The following DOCK10 variants were observed in gnomAD, a reference collection of about 807,000 sequenced individuals.
The protein encoded by DOCK10 is dedicator of cytokinesis protein 10.
In DOCK10, 145 loss-of-function variants were observed where a neutral mutation model predicts 280.1. That is an observed-to-expected ratio of 0.52 (90% CI 0.45 to 0.59). The LOEUF (loss-of-function observed/expected upper bound fraction) is 0.59. Ranked by LOEUF, DOCK10 falls within the 20% of genes least tolerant of loss-of-function variation. DOCK10 has a pLI of 0.00. For missense variants in DOCK10, 2,368 were observed against 2,651.7 expected (o/e 0.89, Z 2.35); for synonymous variants, 915 against 942.2 (o/e 0.97, Z 0.53).
At chr2:224,973,169 C>T (rs1483044270) in intron 1 of DOCK10, among the ~76,000 whole-genome samples, 1 of 152,192 alleles carries the variant, frequency 6.6e-6, no homozygotes, top group Non-Finnish European at 1.5e-5. Flanking sequence ...GCCAGGCACT[C>T]TTACAGGCCC....
At chr2:225,028,535 T>A (rs532899335) in intron 1 of DOCK10, among the ~76,000 whole-genome samples, 2 of 152,192 alleles carry the variant, frequency 1.3e-5, no homozygotes, top group African/African-American at 2.4e-5. Flanking sequence ...TACGGTAGGA[T>A]AATACACAGA....
intron 1 of DOCK10, among the ~76,000 whole-genome samples, chr2:224,967,418 C>T (rs985755167): frequency 4.6e-5 from 7 of 152,152 alleles, no homozygotes; most frequent in Non-Finnish European, 8.8e-5. Flanking sequence ...AAAATGTTTA[C>T]CCTCAGATGT....
chr2:224,963,427 T>C (rs1704558498), intron 1 of DOCK10, among the ~76,000 whole-genome samples: 1 of 152,254 alleles, frequency 6.6e-6, no homozygotes, highest in Non-Finnish European at 1.5e-5. Context: ...AAGGTAGTAA[T>C]AAAATTGTGT....
intron 2 of DOCK10, among the ~76,000 whole-genome samples, chr2:224,929,699 A>G (rs6436518): frequency 0.56 from 85,321 of 152,128 alleles, 24,889 homozygotes; most frequent in Non-Finnish European, 0.64. Flanking sequence ...CGCTGCCAAG[A>G]ATGATAAAGA....
At chr2:224,961,412 C>CTTTTTCTTTCTTTCTTTCTT (rs57668925) in intron 1 of DOCK10, among the ~76,000 whole-genome samples, 1 of 119,382 alleles carries the variant, frequency 8.4e-6, no homozygotes, top group African/African-American at 3.4e-5. Flanking sequence ...TTCTTTCTTT[C>CTTTTTCTTTCTTTCTTTCTT]TCTTTCTTTC....
chr2:224,920,489 A>C lies in DOCK10; in HGVS notation c.244-3705T>G, dbSNP rs541749928. ...AACTATATTGAAGTTTTGGAGTAGA[A>C]TATTAAGAACCATGCCTAAATTGAG... On this transcript the variant is annotated intron_variant, in intron 2 of 55. Transcript: ENST00000258390. 3.6e-4 allele frequency among the ~76,000 whole-genome samples: 54 copies of C among 152,044 alleles called. 1 individual carries two copies. Among genetic ancestry groups the C allele is most frequent in the Non-Finnish European group, 5.9e-4 (40 of 68,032 alleles).
rs1296547984 is a variant in DOCK10 at position 224,804,169 on chromosome 2, T to C, written c.4211A>G (p.Asn1404Ser). ...AFKFVQSTQN[N>S]GTLKGSNPSC... Reference sequence around the variant, plus strand: ...AGGATTGGATCCTTTGAGAGTTCCATTGTTCTGGGTGGACTGCACAAATTT... The same window carrying C: ...AGGATTGGATCCTTTGAGAGTTCCACTGTTCTGGGTGGACTGCACAAATTT... Residue 1404 changes from asparagine to serine, a missense_variant, in exon 39 of 56, where the codon AAT becomes AGT. Coordinates refer to ENST00000258390, the MANE Select transcript of DOCK10 (RefSeq NM_014689.3). The C allele has an allele frequency of 1.9e-6, 3 of 1,612,144 alleles. No homozygotes were observed. The highest frequency in any genetic ancestry group is 2.5e-6 in the Non-Finnish European group (3 of 1,178,858).
chr2:225,027,919 G>T (rs1252415866), intron 1 of DOCK10, among the ~76,000 whole-genome samples: 1 of 152,192 alleles, frequency 6.6e-6, no homozygotes, highest in Admixed American at 6.5e-5. Context: ...CAGAGGGTTA[G>T]ATTTAAGAAC....
At position 224,946,889 on chromosome 2, in the gene DOCK10, A is replaced by G. The variant is rs888309640; in HGVS notation, c.124-15221T>C. 36 of 1,547,214 alleles carry G rather than the reference A, an allele frequency of 2.3e-5. No individual in the cohort carries two copies. The Admixed American group carries it at 6.8e-4, about 29-fold the overall frequency. On this transcript the variant is annotated intron_variant, in intron 1 of 55. Coordinates refer to ENST00000258390, the MANE Select transcript of DOCK10 (RefSeq NM_014689.3). ...TTTCTTCTTGGTTTACTCTCCTCAC[A>G]GTTCGTCTCTTCTTCCAAAATTCAC... is the stretch of plus-strand genomic sequence containing the variant.
chr2:225,003,775 CA>C (rs1217681591), intron 1 of DOCK10, among the ~76,000 whole-genome samples: 3 of 152,106 alleles, frequency 2.0e-5, no homozygotes, highest in Admixed American at 2.0e-4. Flanking sequence ...CCATAATGTG[CA>C]TTTACACTGA....
At chr2:224,918,296 G>C (rs1306273086) in intron 2 of DOCK10, among the ~76,000 whole-genome samples, 3 of 152,030 alleles carry the variant, frequency 2.0e-5, no homozygotes, top group Non-Finnish European at 2.9e-5. Context: ...TTCCATAAGA[G>C]GATGAGAGTG....
Position 224,853,110 on chromosome 2 carries a change from G to C in DOCK10, c.1901C>G (p.Ser634Trp). The C allele has an allele frequency of 6.4e-7, 1 of 1,572,562 alleles. No individual in the cohort carries two copies. The highest frequency in any genetic ancestry group is 8.6e-7 in the Non-Finnish European group (1 of 1,157,664). Reference sequence around the variant, plus strand: ...GAAAGGCTTGACAGGGATAAAGGACGATGTTACACAATCTTAAAAAATCAG... The same window carrying C: ...GAAAGGCTTGACAGGGATAAAGGACCATGTTACACAATCTTAAAAAATCAG... ...VPLEHPNCVT[S>W]SFIPVKPFNM... Residue 634 changes from serine to tryptophan, a missense_variant, in exon 17 of 56, where the codon TCG becomes TGG. Physicochemically the swap from Ser to Trp is radical, Grantham distance 177 (BLOSUM62 -3). Coordinates refer to ENST00000258390, the MANE Select transcript of DOCK10 (RefSeq NM_014689.3).
intron 11 of DOCK10, among the ~76,000 whole-genome samples, chr2:224,869,700 C>G (rs752729152): frequency 1.3e-5 from 2 of 152,178 alleles, no homozygotes; most frequent in Non-Finnish European, 2.9e-5. Context: ...TTTGGCCTGA[C>G]AGATACCAAA....
chr2:224,803,870 T>G (rs1693181346), intron 39 of DOCK10, among the ~76,000 whole-genome samples: 1 of 152,090 alleles, frequency 6.6e-6, no homozygotes, highest in Non-Finnish European at 1.5e-5. Flanking sequence ...TGCACACATA[T>G]ATGGTGTACT....
In DOCK10 at chr2:225,011,175, T is replaced by C. The variant is rs118141769; in HGVS notation, c.123+31077A>G. Among the ~76,000 whole-genome samples the C allele has an allele frequency of 1.8e-3, 279 of 152,278 alleles. 5 individuals carry two copies. Among genetic ancestry groups the C allele is most frequent in the Admixed American group, 0.014 (221 of 15,290 alleles). On this transcript the variant is annotated intron_variant, in intron 1 of 55. Transcript: ENST00000258390. ...TGCCAAATGATCAGTTCAAAGAAGA[T>C]TTCACGCCAATGAAGATGATTACAA...
intron 53 of DOCK10, 149 bp downstream of exon 53, chr2:224,773,008 A>G (rs1690558383): frequency 3.0e-6 from 2 of 675,092 alleles, no homozygotes; most frequent in Non-Finnish European, 4.7e-6. Context: ...ATTGACAACT[A>G]GAAGCCATTT....
At chr2:224,996,392 G>T (rs1417376280) in intron 1 of DOCK10, among the ~76,000 whole-genome samples, 1 of 152,226 alleles carries the variant, frequency 6.6e-6, no homozygotes, top group African/African-American at 2.4e-5. Flanking sequence ...TCCTGGCTCA[G>T]CCATTTATCA....
chr2:224,846,546 C>G (rs567697114), intron 19 of DOCK10, among the ~76,000 whole-genome samples: 15 of 145,974 alleles, frequency 1.0e-4, no homozygotes, highest in African/African-American at 3.6e-4. Context: ...TGTCACCAGG[C>G]TACAGTGCAG....
At chr2:224,851,398 C>G (rs1259865822) in intron 18 of DOCK10, among the ~76,000 whole-genome samples, 2 of 149,868 alleles carry the variant, frequency 1.3e-5, no homozygotes, top group Non-Finnish European at 3.0e-5. Context: ...GATGCTAACA[C>G]TATTTTGGAG....
Sources: gnomAD v4.1 joint callset for allele counts (sites outside exome capture counted in the v4.1 genomes callset) on GRCh38, gnomAD v4.1.1 for gene constraint, MANE v1.5 for transcripts, NCBI Gene and HGNC (gene_info 2026-07-23, HGNC 2026-07-21) for gene names.